Variants in PTH2R observed in about 807,000 individuals in gnomAD.
PTH2R encodes parathyroid hormone 2 receptor.
Under a neutral mutation model 60.3 loss-of-function variants are expected in PTH2R, and 59 were observed. The ratio of observed to expected loss-of-function variants is 0.98; its 90% CI spans 0.79 to 1.22. PTH2R has a LOEUF of 1.22. Ranked by LOEUF, PTH2R falls within the 50% of genes most tolerant of loss-of-function variation. PTH2R has a pLI of 0.00. For synonymous variants in PTH2R, 256 were observed against 243.8 expected (o/e 1.05, Z -0.47); for missense variants, 749 against 682.6 (o/e 1.10, Z -1.08).
chr2:208,457,695 G>A (rs578050437), intron 8 of PTH2R, among the ~76,000 whole-genome samples: 1 of 152,252 alleles, frequency 6.6e-6, no homozygotes, highest in Admixed American at 6.5e-5. Flanking sequence ...AGAGGGATGG[G>A]GGCAGAGGCA....
At position 208,437,648 on chromosome 2, in the gene PTH2R, G is replaced by T. The variant is rs550634177; in HGVS notation, c.289+1G>T. On this transcript the variant is annotated splice_donor_variant, in intron 3 of 12. Transcript: ENST00000272847. LOFTEE classifies it high-confidence loss of function. ...TATATTTATGACTTCAACCATAAAGGTATTGAATTTTTCTAAAATGATTAA... is the reference window on the plus strand; with the variant it reads ...TATATTTATGACTTCAACCATAAAGTTATTGAATTTTTCTAAAATGATTAA... 113 of 1,608,296 alleles carry T rather than the reference G, an allele frequency of 7.0e-5. No homozygotes were observed. The South Asian group carries it at 1.2e-3, about 17-fold the overall frequency.
chr2:208,471,861 T>G (rs1198074642), intron 9 of PTH2R, among the ~76,000 whole-genome samples: 1 of 152,224 alleles, frequency 6.6e-6, no homozygotes, highest in Non-Finnish European at 1.5e-5. Flanking sequence ...GGCTATACCC[T>G]GCAAAGCCAA....
intron 1 of PTH2R, among the ~76,000 whole-genome samples, chr2:208,388,143 C>CCCG (rs1553540982): frequency 6.7e-6 from 1 of 148,970 alleles, no homozygotes; most frequent in East Asian, 2.0e-4. Context: ...CCCCCCCCCC[C>CCCG]GTCTCTACTA....
chr2:208,422,905 C>T (rs1309450667), intron 1 of PTH2R, among the ~76,000 whole-genome samples: 1 of 152,146 alleles, frequency 6.6e-6, no homozygotes, highest in African/African-American at 2.4e-5. Context: ...CCTTCCTTTG[C>T]ACTTCCCACT....
rs577610463 is a variant in PTH2R, at chr2:208,377,777, G to A, written c.-259+17540G>A. On this transcript the variant is annotated intron_variant, in intron 1 of 12. Transcript: ENST00000617735. ...AGGCGCTCCTCACATCCCAGACGGG[G>A]CGGCGGGGCAGAGGCGCTTCCCGCA... is the stretch of plus-strand genomic sequence containing the variant. 2.4e-3 allele frequency among the ~76,000 whole-genome samples: 363 copies of A among 151,844 alleles called. 1 individual carries two copies. Among genetic ancestry groups the A allele is most frequent in the African/African-American group, 8.5e-3 (352 of 41,296 alleles).
At chr2:208,367,167 C>T (rs976050957) in intron 1 of PTH2R, among the ~76,000 whole-genome samples, 7 of 151,822 alleles carry the variant, frequency 4.6e-5, no homozygotes, top group Admixed American at 2.6e-4. Flanking sequence ...AGTCTCTGCT[C>T]ACTGCAGCCT....
At chr2:208,472,629 C>T (rs954735573) in intron 9 of PTH2R, among the ~76,000 whole-genome samples, 3 of 152,200 alleles carry the variant, frequency 2.0e-5, no homozygotes, top group African/African-American at 7.2e-5. Flanking sequence ...GCATCCCTAG[C>T]CACATGGAAC....
At chr2:208,480,252 C>T (rs1703115588) in intron 9 of PTH2R, among the ~76,000 whole-genome samples, 1 of 152,212 alleles carries the variant, frequency 6.6e-6, no homozygotes, top group Non-Finnish European at 1.5e-5. Context: ...TGCCCCTGCT[C>T]TGGCAGGGAC....
At chr2:208,464,461 C>A (rs1702699957) in intron 9 of PTH2R, among the ~76,000 whole-genome samples, 1 of 152,170 alleles carries the variant, frequency 6.6e-6, no homozygotes, top group Non-Finnish European at 1.5e-5. Context: ...ACAGGGAAAG[C>A]TCTGCCACAC....
intron 1 of PTH2R, among the ~76,000 whole-genome samples, chr2:208,396,746 G>A (rs1701216765): frequency 1.3e-5 from 2 of 152,176 alleles, no homozygotes; most frequent in Non-Finnish European, 1.5e-5. Context: ...AAGACAGTGC[G>A]GTGATTCCTC....
At chr2:208,458,757 T>C (rs1574892148) in intron 8 of PTH2R, among the ~76,000 whole-genome samples, 1 of 152,208 alleles carries the variant, frequency 6.6e-6, no homozygotes, top group African/African-American at 2.4e-5. Context: ...GCTCCATCCA[T>C]GTTCCTGCAA....
rs145488005 is a variant in PTH2R, at chr2:208,372,421, G to A, written c.-259+12184G>A. On this transcript the variant is annotated intron_variant, in intron 1 of 12. Transcript: ENST00000617735. ...AGACTATTCTAGGTCATGGAAGTGT[G>A]TGTTAGGACATATAAGTAGTTTTCT... Among the ~76,000 whole-genome samples, 534 of 152,184 alleles carry A rather than the reference G, an allele frequency of 3.5e-3. 4 individuals carry two copies. Among genetic ancestry groups the A allele is most frequent in the African/African-American group, 0.012 (505 of 41,444 alleles).
intron 1 of PTH2R, among the ~76,000 whole-genome samples, chr2:208,425,048 T>A (rs1701830466): frequency 6.6e-6 from 1 of 152,170 alleles, no homozygotes; most frequent in African/African-American, 2.4e-5. Context: ...ATCAATGGAC[T>A]AAATAAAAAT....
At chr2:208,363,970 C>A (rs757277091) in intron 1 of PTH2R, among the ~76,000 whole-genome samples, 1 of 152,088 alleles carries the variant, frequency 6.6e-6, no homozygotes, top group Non-Finnish European at 1.5e-5. Context: ...GTTGTTTACT[C>A]TGTTGATAGT....
chr2:208,408,740 A>AGAGAAAGAGAGAGAGAGAG (rs1553542827), intron 1 of PTH2R, among the ~76,000 whole-genome samples: 13 of 123,352 alleles, frequency 1.1e-4, no homozygotes, highest in African/African-American at 4.3e-4. Context: ...GAGAGAGAGA[A>AGAGAAAGAGAGAGAGAGAG]AGAGAGAGAG....
chr2:208,436,235 G>A (rs1253802471), intron 2 of PTH2R, among the ~76,000 whole-genome samples: 1 of 152,136 alleles, frequency 6.6e-6, no homozygotes, highest in African/African-American at 2.4e-5. Context: ...TGCAATTTTA[G>A]ATAAGCGTGT....
intron 8 of PTH2R, 49 bp from the exon 9 acceptor site, chr2:208,459,846 C>G (rs566895134): frequency 5.4e-6 from 8 of 1,473,818 alleles, no homozygotes; most frequent in Non-Finnish European, 6.6e-6. Flanking sequence ...TTAATACTAC[C>G]CATTTGCTTT....
chr2:208,383,278 G>A (rs1007863884), intron 1 of PTH2R, among the ~76,000 whole-genome samples: 3 of 152,164 alleles, frequency 2.0e-5, no homozygotes, highest in Admixed American at 6.6e-5. Context: ...AGCTGGTCCT[G>A]TGGGCAGAAG....
intron 9 of PTH2R, among the ~76,000 whole-genome samples, chr2:208,467,368 CA>C (rs1047526532): frequency 6.6e-6 from 1 of 151,796 alleles, no homozygotes; most frequent in Non-Finnish European, 1.5e-5. Flanking sequence ...AAAGGTAATA[CA>C]GAAGAAAAAC....
Sources: allele counts gnomAD v4.1 joint callset (sites outside exome capture counted in the v4.1 genomes callset), GRCh38; gene constraint gnomAD v4.1.1; transcripts MANE v1.5; gene names NCBI Gene and HGNC (gene_info 2026-07-23, HGNC 2026-07-21).